FAM184B: variants seen among roughly 807,000 people sequenced by gnomAD.
The protein encoded by FAM184B is protein FAM184B.
Under a neutral mutation model 135.9 loss-of-function variants are expected in FAM184B, and 111 were observed. The observed-to-expected ratio is 0.82, with a 90% CI of 0.70 to 0.96. FAM184B has a LOEUF of 0.96. Ranked by LOEUF, FAM184B falls within the 40% of genes least tolerant of loss-of-function variation. The pLI is 0.00. For synonymous variants in FAM184B, 552 were observed against 524.8 expected (o/e 1.05, Z -0.71); for missense variants, 1,375 against 1,323.9 (o/e 1.04, Z -0.60).
Position 17,707,667 on chromosome 4 carries a change from G to C in FAM184B, c.1012C>G (p.Arg338Gly), listed in dbSNP as rs975346362. 6.4e-7 allele frequency: 1 copy of C among 1,551,748 alleles called. No individual in the cohort carries two copies. The highest frequency in any genetic ancestry group is 2.0e-5 in the Admixed American group (1 of 51,008). The change falls in exon 3 of 18, where the codon CGT becomes GGT. Residue 338 changes from arginine (R) to glycine (G), a missense_variant. Physicochemically the swap from Arg to Gly is moderately radical, Grantham distance 125. Transcript: ENST00000265018. Reference protein sequence around the residue: ...AKDRMMLQECRGTQQTDAMKT... With the variant: ...AKDRMMLQECGGTQQTDAMKT... ...ATCTCACCTGTCTGCTGTGTCCCAC[G>C]ACACTCCTGCAGCATCATTCTGTCT...
chr4:17,633,717 G>A lies in FAM184B; in HGVS notation c.3061C>T (p.Gln1021Ter), dbSNP rs1431401252. 3.9e-6 allele frequency: 6 copies of A among 1,547,492 alleles called. No homozygotes were observed. Among genetic ancestry groups the A allele is most frequent in the Non-Finnish European group, 5.2e-6 (6 of 1,145,126 alleles). ...PSCGRTYKPN[Q>*]STDAKTATRT... ...GTGGCAGTTTTTGCATCTGTAGACT[G>A]GTTGGGTTTGTAGGTCCGGCCACAG... The change falls in exon 17 of 18, where the codon CAG becomes TAG. Residue 1021 changes from glutamine (Q) to a stop codon, truncating the protein, a stop_gained. Transcript: ENST00000265018. LOFTEE classifies it high-confidence loss of function.
chr4:17,680,677 G>C (rs777306995), intron 7 of FAM184B, among the ~76,000 whole-genome samples: 28 of 152,232 alleles, frequency 1.8e-4, no homozygotes, highest in Admixed American at 1.0e-3. Flanking sequence ...AGTGGCCTGG[G>C]TATGAATAGT....
intron 12 of FAM184B, among the ~76,000 whole-genome samples, chr4:17,643,450 C>T (rs1023693556): frequency 8.6e-5 from 13 of 152,042 alleles, no homozygotes; most frequent in African/African-American, 2.9e-4. Context: ...TGGGTGGCCA[C>T]GTATCGGCTC....
intron 1 of FAM184B, among the ~76,000 whole-genome samples, chr4:17,777,262 T>C (rs1333286107): frequency 6.6e-6 from 1 of 152,214 alleles, no homozygotes; most frequent in Non-Finnish European, 1.5e-5. Context: ...TATGGTTTCA[T>C]TTAGAGATAA....
At chr4:17,720,343 T>C (rs1717492371) in intron 1 of FAM184B, among the ~76,000 whole-genome samples, 1 of 152,206 alleles carries the variant, frequency 6.6e-6, no homozygotes, top group Admixed American at 6.5e-5. Flanking sequence ...AACTCCTTTC[T>C]TTCAATTGCT....
chr4:17,705,061 T>C lies in FAM184B; in HGVS notation c.1316A>G (p.His439Arg). 6.4e-7 allele frequency: 1 copy of C among 1,551,774 alleles called. No homozygotes were observed. The highest frequency in any genetic ancestry group is 8.7e-7 in the Non-Finnish European group (1 of 1,147,010). The change falls in exon 5 of 18, where the codon CAC (histidine) becomes CGC (arginine). Residue 439 changes from histidine to arginine, a missense_variant. Physicochemically the swap from His to Arg is conservative, Grantham distance 29 (BLOSUM62 0). Coordinates refer to ENST00000265018, the MANE Select transcript of FAM184B (RefSeq NM_015688.2). Reference sequence around the variant, plus strand: ...GCGAACGGATTTGATTTCCACGGTGTGCTTCTTTACCAAGTCTTCTAGTCG... The same window carrying C: ...GCGAACGGATTTGATTTCCACGGTGCGCTTCTTTACCAAGTCTTCTAGTCG... The part of the protein sequence containing the change: ...VKRLEDLVKK[H>R]TVEIKSVRSS...
intron 4 of FAM184B, 74 bp from the exon 5 acceptor site, chr4:17,705,280 T>C (rs937649472): frequency 1.8e-6 from 2 of 1,093,094 alleles, no homozygotes; most frequent in African/African-American, 3.2e-5. Context: ...TTCCCTTTCA[T>C]ACAACTTTTA....
rs111502229 is a variant in FAM184B at position 17,779,426 on chromosome 4, A to G, written c.141+1733T>C. 4.6e-5 allele frequency among the ~76,000 whole-genome samples: 7 copies of G among 152,372 alleles called. 1 individual carries two copies. The highest frequency in any genetic ancestry group is 1.7e-4 in the African/African-American group (7 of 41,588). ...AATTGCGATTTCTAATGCAGAATAT[A>G]CTTTAAGAAACACTGCCTACTGTGT... On this transcript the variant is annotated intron_variant, in intron 1 of 17. Transcript: ENST00000265018.
intron 1 of FAM184B, among the ~76,000 whole-genome samples, chr4:17,720,667 C>A (rs1717501770): frequency 6.6e-6 from 1 of 151,580 alleles, no homozygotes; most frequent in East Asian, 2.0e-4. Flanking sequence ...GGGGGCAGAT[C>A]ATGAGGTCAG....
rs1159823830 is a variant in FAM184B, at chr4:17,631,514, G to A, written c.*1018C>T. 6.6e-6 allele frequency: 1 copy of A among 152,196 alleles called. No individual in the cohort carries two copies. The highest frequency in any genetic ancestry group is 1.5e-5 in the Non-Finnish European group (1 of 68,052). 9.4% of individuals were successfully genotyped at this position (152,196 alleles called of 1,614,324 possible). A position where few individuals can be genotyped will look rare whatever the true frequency, so the allele number is the denominator to read the frequency against. Reference sequence around the variant, plus strand: ...AGATAATCTAGAGACCTTCACAAGTGATCATGTTGGCACTATGGTCATTAC... The same window carrying A: ...AGATAATCTAGAGACCTTCACAAGTAATCATGTTGGCACTATGGTCATTAC... On this transcript the variant is annotated 3_prime_UTR_variant, in exon 18 of 18. Coordinates refer to ENST00000265018, the MANE Select transcript of FAM184B (RefSeq NM_015688.2).
At chr4:17,712,846 G>A (rs1229815149) in intron 1 of FAM184B, among the ~76,000 whole-genome samples, 2 of 152,212 alleles carry the variant, frequency 1.3e-5, no homozygotes, top group African/African-American at 2.4e-5. Flanking sequence ...TGTATGAGAG[G>A]AAGTTTTGGG....
chr4:17,649,412 G>A (rs1161664931), intron 11 of FAM184B, among the ~76,000 whole-genome samples: 3 of 151,066 alleles, frequency 2.0e-5, no homozygotes, highest in African/African-American at 4.9e-5. Flanking sequence ...GTGAAACCCC[G>A]TCTCTACTAA....
At chr4:17,693,504 A>C (rs773543905) in intron 5 of FAM184B, 92 bp from the exon 6 acceptor site, 5 of 972,198 alleles carry the variant, frequency 5.1e-6, no homozygotes, top group South Asian at 1.5e-5. Context: ...AGATCAAAGA[A>C]GCTTATGAGT....
Position 17,781,144 on chromosome 4 carries a change from T to A in FAM184B, c.141+15A>T. The A allele has an allele frequency of 6.6e-7, 1 of 1,522,926 alleles. No individual in the cohort carries two copies. Among genetic ancestry groups the A allele is most frequent in the South Asian group, 1.2e-5 (1 of 80,142 alleles). The allele number at this position is 1,522,926 out of a possible 1,614,324, so 94.3% of individuals were successfully genotyped here. ...CCGGGCGTGCAGCTCGCTGGCCCGC[T>A]GCGCCCCACCTTACCTTGGTGAGCT... is the stretch of plus-strand genomic sequence containing the variant. On this transcript the variant is annotated intron_variant, in intron 1 of 17. Transcript: ENST00000265018. The surrounding 1 kb of genome is among the most constrained non-coding windows in gnomAD (Gnocchi z 6.5).
At chr4:17,696,101 C>A (rs151041561) in intron 5 of FAM184B, among the ~76,000 whole-genome samples, 3 of 152,260 alleles carry the variant, frequency 2.0e-5, no homozygotes, top group Non-Finnish European at 4.4e-5. Flanking sequence ...TGAGTACATG[C>A]CATTTGCTGG....
intron 1 of FAM184B, among the ~76,000 whole-genome samples, chr4:17,713,783 A>T (rs1717341574): frequency 6.6e-6 from 1 of 152,286 alleles, no homozygotes; most frequent in South Asian, 2.1e-4. Context: ...TTCACTGCAC[A>T]TCTCGGATGT....
intron 7 of FAM184B, among the ~76,000 whole-genome samples, chr4:17,678,826 C>T (rs1258041582): frequency 6.6e-6 from 1 of 152,118 alleles, no homozygotes; most frequent in Non-Finnish European, 1.5e-5. Context: ...GGTATAAAAA[C>T]AGACACATAG....
intron 1 of FAM184B, among the ~76,000 whole-genome samples, chr4:17,758,326 C>T (rs1335422640): frequency 6.6e-6 from 1 of 152,118 alleles, no homozygotes; most frequent in East Asian, 1.9e-4. Context: ...TCTTAGTATC[C>T]GTTTAGCCAT....
intron 4 of FAM184B, 63 bp downstream of exon 4, chr4:17,705,689 G>T: frequency 6.5e-7 from 1 of 1,534,852 alleles, no homozygotes; most frequent in South Asian, 1.2e-5. Context: ...TCTACCTGAC[G>T]CTTATAATAG....
Sources: allele counts gnomAD v4.1 joint callset (sites outside exome capture counted in the v4.1 genomes callset), GRCh38; gene constraint gnomAD v4.1.1; non-coding constraint Gnocchi (gnomAD v3.1); transcripts MANE v1.5; gene names NCBI Gene and HGNC (gene_info 2026-07-23, HGNC 2026-07-21).